Variants in OCA2 observed in about 807,000 individuals in gnomAD.
OCA2 encodes the protein P protein.
OCA2 carries 77 observed loss-of-function variants against 100.2 expected under a neutral mutation model. The ratio of observed to expected loss-of-function variants is 0.77; its 90% CI spans 0.64 to 0.93. The LOEUF is 0.93. Ranked by LOEUF, OCA2 falls within the 40% of genes least tolerant of loss-of-function variation. The pLI, the probability that OCA2 is intolerant of heterozygous loss-of-function variation, is 0.00. For synonymous variants in OCA2, 432 were observed against 439.2 expected, an observed-to-expected ratio of 0.98 and a Z score of 0.21; for missense variants, 1,062 against 1,089.1, an observed-to-expected ratio of 0.98 and a Z score of 0.35.
At chr15:27,940,767 A>T (rs1747490348) in intron 18 of OCA2, among the ~76,000 whole-genome samples, 1 of 152,242 alleles carries the variant, frequency 6.6e-6, no homozygotes. Flanking sequence ...TAACTGTGTC[A>T]TTCACTAGCA....
At chr15:27,722,061 A>G in the OCA2 span, among the ~76,000 whole-genome samples, 1 of 152,220 alleles carries the variant, frequency 6.6e-6, no homozygotes, top group Non-Finnish European at 1.5e-5. Flanking sequence ...ACATTTGCCC[A>G]TGTCATTAAA....
intron 23 of OCA2, among the ~76,000 whole-genome samples, chr15:27,813,398 A>G (rs1359837232): frequency 1.3e-5 from 2 of 152,238 alleles, no homozygotes; most frequent in East Asian, 3.9e-4. Flanking sequence ...ACAGGCACAC[A>G]TATGCATCCA....
At chr15:27,922,040 T>G (rs1476382723) in intron 19 of OCA2, among the ~76,000 whole-genome samples, 1 of 152,254 alleles carries the variant, frequency 6.6e-6, no homozygotes, top group East Asian at 1.9e-4. Context: ...AAACTACATT[T>G]ACAGTACTGT....
chr15:27,941,874 C>T (rs915776253), intron 18 of OCA2, among the ~76,000 whole-genome samples: 3 of 152,144 alleles, frequency 2.0e-5, no homozygotes, highest in African/African-American at 7.2e-5. Context: ...AGTAAAAGAG[C>T]ATTTCATAAA....
chr15:27,801,786 C>T (rs573694358), intron 23 of OCA2, among the ~76,000 whole-genome samples: 1 of 152,170 alleles, frequency 6.6e-6, no homozygotes, highest in African/African-American at 2.4e-5. Context: ...AATTTCTTAA[C>T]TTGGAAAAGA....
intron 2 of OCA2, among the ~76,000 whole-genome samples, chr15:28,032,864 A>G (rs956755543): frequency 3.3e-5 from 5 of 152,094 alleles, no homozygotes; most frequent in African/African-American, 1.2e-4. Context: ...AGAAAATTCT[A>G]TTTCCTAAAA....
At chr15:28,018,611 C>T (rs1021800628) in intron 6 of OCA2, 54 bp from the exon 7 acceptor site, 30 of 1,547,792 alleles carry the variant, frequency 1.9e-5, no homozygotes, top group South Asian at 3.4e-5. Flanking sequence ...CCCATGTCCC[C>T]GCCGCCCGCC....
chr15:28,029,609 T>C (rs944849097), intron 3 of OCA2, among the ~76,000 whole-genome samples: 4 of 151,508 alleles, frequency 2.6e-5, no homozygotes, highest in African/African-American at 9.7e-5. Flanking sequence ...TTAATTAATT[T>C]AAATTTAAAT....
intron 18 of OCA2, among the ~76,000 whole-genome samples, chr15:27,931,213 G>A (rs1363380414): frequency 2.0e-5 from 2 of 99,928 alleles, no homozygotes; most frequent in Non-Finnish European, 4.3e-5. Context: ...AATTGTTTAC[G>A]TATTTGAGGG....
chr15:28,024,972 T>C, intron 4 of OCA2, 70 bp from the exon 5 acceptor site: 2 of 1,440,222 alleles, frequency 1.4e-6, no homozygotes, highest in Non-Finnish European at 1.9e-6. Flanking sequence ...GACACTTTTC[T>C]GCAGCCTTGA....
intron 9 of OCA2, among the ~76,000 whole-genome samples, chr15:27,995,723 G>C (rs1169391214): frequency 1.3e-5 from 2 of 151,602 alleles, no homozygotes; most frequent in African/African-American, 4.9e-5. Context: ...ATAATATCAA[G>C]TATATTTTCC....
chr15:27,804,318 A>T (rs1484630810), intron 23 of OCA2, among the ~76,000 whole-genome samples: 1 of 152,208 alleles, frequency 6.6e-6, no homozygotes, highest in Non-Finnish European at 1.5e-5. Context: ...ATTGATTGTG[A>T]ATTCTAACAC....
chr15:27,798,866 A>G (rs984374307), intron 23 of OCA2, among the ~76,000 whole-genome samples: 1 of 152,226 alleles, frequency 6.6e-6, no homozygotes, highest in Non-Finnish European at 1.5e-5. Flanking sequence ...GTAAGTACAG[A>G]GACACAATGT....
chr15:27,903,226 CCGA>C (rs779191638), intron 19 of OCA2, among the ~76,000 whole-genome samples: 10 of 152,328 alleles, frequency 6.6e-5, no homozygotes, highest in Admixed American at 4.6e-4. Flanking sequence ...CGCGTAAGTC[CCGA>C]CGGTCTGTCC....
At chr15:27,723,979 C>T in the OCA2 span, among the ~76,000 whole-genome samples, 1 of 152,174 alleles carries the variant, frequency 6.6e-6, no homozygotes, top group Non-Finnish European at 1.5e-5. Context: ...GCCGTCAGCT[C>T]CTATGTCCCA....
At chr15:27,843,478 A>G (rs559570909) in intron 23 of OCA2, among the ~76,000 whole-genome samples, 1 of 152,306 alleles carries the variant, frequency 6.6e-6, no homozygotes, top group South Asian at 2.1e-4. Flanking sequence ...CATTAAGGTA[A>G]TTCTTGTTTA....
At chr15:27,913,892 A>AAAGAAAGAAAGAAAGC (rs2038538889) in intron 19 of OCA2, among the ~76,000 whole-genome samples, 21 of 37,414 alleles carry the variant, frequency 5.6e-4, no homozygotes, top group African/African-American at 8.6e-4. Flanking sequence ...AGAAAGAAAG[A>AAAGAAAGAAAGAAAGC]AAGCAAGCAA....
At chr15:27,926,387 T>C (rs908760455) in intron 18 of OCA2, 133 bp from the exon 19 acceptor site, 3 of 945,398 alleles carry the variant, frequency 3.2e-6, no homozygotes, top group Middle Eastern at 3.1e-4. Context: ...GTAAAATGCA[T>C]ATAATTTCTA....
chr15:27,766,454 G>A (rs746149478), intron 23 of OCA2, among the ~76,000 whole-genome samples: 8 of 152,062 alleles, frequency 5.3e-5, no homozygotes, highest in South Asian at 4.2e-4. Flanking sequence ...CACTGACACC[G>A]CCTTGTCTCT....
Sources: allele counts gnomAD v4.1 joint callset (sites outside exome capture counted in the v4.1 genomes callset), GRCh38; gene constraint gnomAD v4.1.1; transcripts MANE v1.5; gene names NCBI Gene and HGNC (gene_info 2026-07-23, HGNC 2026-07-21).